The following TRMT11 variants were observed in gnomAD, a reference collection of about 807,000 sequenced individuals.
TRMT11 encodes the protein tRNA (guanine(10)-N(2))-methyltransferase TRMT11.
Under a neutral mutation model 62.8 loss-of-function variants are expected in TRMT11, and 53 were observed. The ratio of observed to expected loss-of-function variants is 0.84; its 90% confidence interval spans 0.68 to 1.06. TRMT11 has a LOEUF of 1.06. Among genes scored for constraint, TRMT11 ranks in the 50% least tolerant of loss-of-function variants. TRMT11 has a pLI of 0.00. For synonymous variants in TRMT11, 188 were observed against 190.3 expected (o/e 0.99, Z 0.10); for missense variants, 556 against 553.4 (o/e 1.00, Z -0.05).
intron 1 of TRMT11, among the ~76,000 whole-genome samples, chr6:126,194,214 A>G (rs1489708486): frequency 2.0e-5 from 3 of 152,168 alleles, no homozygotes; most frequent in Non-Finnish European, 4.4e-5. Context: ...TTTCTGCATA[A>G]GTGTTCTGTC....
chr6:125,994,899 GT>G (rs2128748834), intron 2 of TRMT11, among the ~76,000 whole-genome samples: 1 of 152,326 alleles, frequency 6.6e-6, no homozygotes, highest in East Asian at 1.9e-4. Context: ...AACACCACGT[GT>G]TCTCACTTAT....
chr6:126,225,882 G>T, the TRMT11 span, among the ~76,000 whole-genome samples: 4 of 151,796 alleles, frequency 2.6e-5, no homozygotes, highest in Non-Finnish European at 5.9e-5. Context: ...TACAGATGGG[G>T]TTTCACCACG....
intron 21 of TRMT11, among the ~76,000 whole-genome samples, chr6:126,122,994 A>G (rs1169151437): frequency 6.6e-6 from 1 of 152,120 alleles, no homozygotes; most frequent in African/African-American, 2.4e-5. Flanking sequence ...AAAGCAGGAA[A>G]GTTTAGTGGG....
At chr6:126,008,652 C>G (rs1299680687) in intron 8 of TRMT11, 180 bp downstream of exon 8, 1 of 704,838 alleles carries the variant, frequency 1.4e-6, no homozygotes, top group East Asian at 2.7e-5. Flanking sequence ...CCTCTTCCTC[C>G]TCAGCCTGCT....
Position 125,998,092 on chromosome 6 carries a change from G to T in TRMT11, c.252G>T (p.Glu84Asp). Residue 84 changes from glutamate (E) to aspartate (D), a missense_variant, in exon 4 of 13, where the codon GAG becomes GAT. Glu to Asp is a conservative substitution (Grantham distance 45). Coordinates refer to ENST00000334379, the MANE Select transcript of TRMT11 (RefSeq NM_001031712.3). ...TATGGGGTCATGGACAATCTCCTGAGGAGCTGTACAGTTCTCTTAAAAACT... is the reference window on the plus strand; with the variant it reads ...TATGGGGTCATGGACAATCTCCTGATGAGCTGTACAGTTCTCTTAAAAACT... ...FELWGHGQSP[E>D]ELYSSLKNYP... 3 of 1,613,602 alleles carry T rather than the reference G, an allele frequency of 1.9e-6. No homozygotes were observed. The highest frequency in any genetic ancestry group is 2.5e-6 in the Non-Finnish European group (3 of 1,179,702).
chr6:126,259,353 C>T, the TRMT11 span, among the ~76,000 whole-genome samples: 11 of 152,314 alleles, frequency 7.2e-5, no homozygotes, highest in East Asian at 1.9e-4. Flanking sequence ...TGTGCCACCA[C>T]GCTTGGATAA....
intron 17 of TRMT11, among the ~76,000 whole-genome samples, chr6:126,087,633 C>T (rs778943933): frequency 6.6e-6 from 1 of 152,144 alleles, no homozygotes; most frequent in African/African-American, 2.4e-5. Context: ...TGTTTGTTCA[C>T]GTGCCACACA....
the TRMT11 span, among the ~76,000 whole-genome samples, chr6:126,245,611 C>T: frequency 6.6e-6 from 1 of 152,238 alleles, no homozygotes; most frequent in Non-Finnish European, 1.5e-5. Context: ...AAAACTTCTG[C>T]TTTGAGTATT....
intron 21 of TRMT11, among the ~76,000 whole-genome samples, chr6:126,152,035 T>TTC (rs199940330): frequency 2.1e-5 from 3 of 144,906 alleles, no homozygotes; most frequent in Non-Finnish European, 4.5e-5. Context: ...CTTTCTCTGT[T>TTC]TCTCTCTCTC....
chr6:126,021,797 C>G (rs1255677595), intron 12 of TRMT11, among the ~76,000 whole-genome samples: 1 of 152,170 alleles, frequency 6.6e-6, no homozygotes, highest in Non-Finnish European at 1.5e-5. Flanking sequence ...AATTCATACT[C>G]TCTTACATAC....
chr6:126,236,522 T>C, the TRMT11 span, among the ~76,000 whole-genome samples: 1 of 152,180 alleles, frequency 6.6e-6, no homozygotes, highest in Non-Finnish European at 1.5e-5. Flanking sequence ...TTGTTATAGA[T>C]TACTATTGAC....
chr6:126,032,891 G>A (rs905730644), intron 12 of TRMT11, among the ~76,000 whole-genome samples: 1 of 152,158 alleles, frequency 6.6e-6, no homozygotes, highest in Non-Finnish European at 1.5e-5. Flanking sequence ...TAAAGGAAGA[G>A]TAGGAACAGA....
intron 1 of TRMT11, among the ~76,000 whole-genome samples, chr6:126,193,829 C>T (rs1389454816): frequency 6.6e-6 from 1 of 152,134 alleles, no homozygotes; most frequent in South Asian, 2.1e-4. Context: ...ATAATATTTC[C>T]TCTTAGTGCC....
the TRMT11 span, among the ~76,000 whole-genome samples, chr6:126,217,784 C>T: frequency 2.0e-5 from 3 of 152,196 alleles, no homozygotes; most frequent in South Asian, 6.2e-4. Flanking sequence ...CCCTAGGGCT[C>T]AACACTCAGC....
intron 1 of TRMT11, among the ~76,000 whole-genome samples, chr6:126,185,207 A>G (rs973681167): frequency 1.3e-5 from 2 of 152,184 alleles, no homozygotes; most frequent in Non-Finnish European, 2.9e-5. Context: ...TTGGTAATGA[A>G]GATTTATTTC....
chr6:126,022,319 T>C (rs1003164123), intron 12 of TRMT11, among the ~76,000 whole-genome samples: 3 of 152,082 alleles, frequency 2.0e-5, no homozygotes, highest in African/African-American at 7.2e-5. Context: ...AGTGTTGGGA[T>C]TACAGGCGTG....
At chr6:126,135,835 C>T (rs1241411008) in intron 21 of TRMT11, among the ~76,000 whole-genome samples, 1 of 151,892 alleles carries the variant, frequency 6.6e-6, no homozygotes, top group East Asian at 1.9e-4. Flanking sequence ...GTTCAACATA[C>T]ACAAATCAAT....
chr6:126,243,738 C>T, the TRMT11 span, among the ~76,000 whole-genome samples: 2 of 151,986 alleles, frequency 1.3e-5, no homozygotes, highest in African/African-American at 4.8e-5. Context: ...ATAATGAGAA[C>T]ACATGGACAC....
At chr6:126,041,952 C>T (rs1583835494), downstream of TRMT11, among the ~76,000 whole-genome samples, 4 of 151,926 alleles carry the variant, frequency 2.6e-5, no homozygotes, top group South Asian at 4.1e-4. Context: ...CTTTGATTTC[C>T]GACTTACCCA....
Sources: gnomAD v4.1 joint callset for allele counts (sites outside exome capture counted in the v4.1 genomes callset) on GRCh38, gnomAD v4.1.1 for gene constraint, MANE v1.5 for transcripts, NCBI Gene and HGNC (gene_info 2026-07-23, HGNC 2026-07-21) for gene names.